Variants in MAPKAP1 observed in about 807,000 individuals in gnomAD.
MAPKAP1 encodes MAPK associated protein 1.
A neutral mutation model predicts 65.7 loss-of-function variants in MAPKAP1; 20 were observed. The ratio of observed to expected loss-of-function variants is 0.30; its 90% confidence interval spans 0.21 to 0.44. The LOEUF is 0.44. Ranked by LOEUF, MAPKAP1 falls within the 20% of genes least tolerant of loss-of-function variation. MAPKAP1 has a pLI of 1.00. For missense variants in MAPKAP1, 423 were observed against 648.0 expected (o/e 0.65, Z 3.77); for synonymous variants, 222 against 244.3 (o/e 0.91, Z 0.85).
At chr9:125,619,299 A>G (rs1409463261) in intron 4 of MAPKAP1, among the ~76,000 whole-genome samples, 1 of 152,202 alleles carries the variant, frequency 6.6e-6, no homozygotes, top group African/African-American at 2.4e-5. Context: ...CAGCGATAAC[A>G]TAAACAACAG....
At chr9:125,703,154 G>A (rs1835654247) in intron 1 of MAPKAP1, among the ~76,000 whole-genome samples, 2 of 152,174 alleles carry the variant, frequency 1.3e-5, no homozygotes, top group African/African-American at 4.8e-5. Flanking sequence ...AGCAGCAACT[G>A]CTCCCTTTAG....
intron 8 of MAPKAP1, among the ~76,000 whole-genome samples, chr9:125,486,349 T>C (rs1372368529): frequency 6.6e-6 from 1 of 151,974 alleles, no homozygotes; most frequent in Non-Finnish European, 1.5e-5. Flanking sequence ...GTAGAATGGG[T>C]TGGGAGGGGA....
intron 1 of MAPKAP1, among the ~76,000 whole-genome samples, chr9:125,692,180 C>T (rs918471408): frequency 1.3e-5 from 2 of 152,168 alleles, no homozygotes; most frequent in Admixed American, 6.5e-5. Flanking sequence ...CCCAAGAGAA[C>T]TAAAAACATA....
chr9:125,703,369 C>T (rs1835661072), intron 1 of MAPKAP1, among the ~76,000 whole-genome samples: 1 of 152,202 alleles, frequency 6.6e-6, no homozygotes. Context: ...TATTTAACCA[C>T]TAAGCCTCTT....
intron 9 of MAPKAP1, among the ~76,000 whole-genome samples, chr9:125,479,506 G>A (rs142035085): frequency 7.6e-4 from 116 of 152,136 alleles, no homozygotes; most frequent in African/African-American, 2.7e-3. Context: ...CTTGAACCCG[G>A]GAGGCGGAGG....
At chr9:125,537,266 T>C (rs1224041325) in intron 7 of MAPKAP1, among the ~76,000 whole-genome samples, 1 of 152,248 alleles carries the variant, frequency 6.6e-6, no homozygotes, top group Non-Finnish European at 1.5e-5. Flanking sequence ...CCATAGGTCC[T>C]TAATTCTAAG....
intron 11 of MAPKAP1, among the ~76,000 whole-genome samples, chr9:125,441,443 G>T (rs1564511853): frequency 6.6e-6 from 1 of 152,214 alleles, no homozygotes; most frequent in African/African-American, 2.4e-5. Flanking sequence ...GGGCGGTCAG[G>T]AAGATTAAAC....
chr9:125,527,621 CTCTT>C (rs981647378), intron 7 of MAPKAP1, among the ~76,000 whole-genome samples: 1 of 152,196 alleles, frequency 6.6e-6, no homozygotes, highest in African/African-American at 2.4e-5. Context: ...CACTCTCTCT[CTCTT>C]TCACACACAC....
chr9:125,464,207 A>T (rs1046000635), intron 10 of MAPKAP1, among the ~76,000 whole-genome samples: 5,019 of 136,242 alleles, frequency 0.037, 523 homozygotes, highest in African/African-American at 0.15. Flanking sequence ...CATATATTAA[A>T]AAAAAAAAAA....
rs893008330 is a variant in MAPKAP1, at chr9:125,689,297, C to T, written c.-69-16654G>A. On this transcript the variant is annotated intron_variant, in intron 1 of 11. Transcript: ENST00000265960. ...CTAAAAATACAAAAAATTAGCCGGG[C>T]GTGGTGGCGGGCGCCTGTAGTCCCA... 9.9e-5 allele frequency among the ~76,000 whole-genome samples: 15 copies of T among 151,664 alleles called. No homozygotes were observed. In the East Asian group the frequency reaches 2.7e-3, roughly 27 times the overall value.
intron 10 of MAPKAP1, among the ~76,000 whole-genome samples, chr9:125,448,124 A>G (rs1248181840): frequency 6.6e-6 from 1 of 152,154 alleles, no homozygotes; most frequent in Non-Finnish European, 1.5e-5. Flanking sequence ...AGGCGAGGTA[A>G]GCAGTTCCCG....
intron 4 of MAPKAP1, among the ~76,000 whole-genome samples, chr9:125,634,437 G>A (rs1833369657): frequency 6.6e-6 from 1 of 152,166 alleles, no homozygotes; most frequent in Admixed American, 6.5e-5. Context: ...GAGTCACTCA[G>A]GGAAAAGAGG....
chr9:125,654,637 T>C (rs1833981697), intron 4 of MAPKAP1, among the ~76,000 whole-genome samples: 1 of 152,204 alleles, frequency 6.6e-6, no homozygotes, highest in South Asian at 2.1e-4. Flanking sequence ...AAAAGCTTTT[T>C]ATAAAATTAT....
At chr9:125,507,689 C>T (rs1829183017) in intron 7 of MAPKAP1, among the ~76,000 whole-genome samples, 1 of 152,196 alleles carries the variant, frequency 6.6e-6, no homozygotes, top group African/African-American at 2.4e-5. Context: ...GTCCTTTTTA[C>T]ACTACTTAAA....
At chr9:125,562,742 A>C (rs191798786) in intron 5 of MAPKAP1, among the ~76,000 whole-genome samples, 5 of 152,310 alleles carry the variant, frequency 3.3e-5, no homozygotes, top group Non-Finnish European at 7.4e-5. Context: ...GCTCACTGAA[A>C]CTTCACATCA....
intron 8 of MAPKAP1, among the ~76,000 whole-genome samples, chr9:125,495,916 C>A (rs1454520658): frequency 2.6e-5 from 4 of 152,210 alleles, no homozygotes; most frequent in African/African-American, 9.6e-5. Context: ...CTCAGACAAG[C>A]TATGGTGTCT....
chr9:125,630,291 A>G (rs550004576), intron 4 of MAPKAP1, among the ~76,000 whole-genome samples: 25 of 151,918 alleles, frequency 1.6e-4, no homozygotes, highest in African/African-American at 2.4e-4. Flanking sequence ...ACACCTGGCT[A>G]ATTTCTTTTT....
intron 4 of MAPKAP1, among the ~76,000 whole-genome samples, chr9:125,642,829 T>C (rs1406687776): frequency 6.6e-6 from 1 of 152,214 alleles, no homozygotes; most frequent in African/African-American, 2.4e-5. Flanking sequence ...CAGGTTGGGG[T>C]GGAGGTCCCA....
At chr9:125,558,424 G>C (rs987097107) in intron 6 of MAPKAP1, among the ~76,000 whole-genome samples, 1 of 152,050 alleles carries the variant, frequency 6.6e-6, no homozygotes, top group East Asian at 1.9e-4. Flanking sequence ...AAGCCTGAGG[G>C]CCCACTCCCC....
Sources: gnomAD v4.1 joint callset for allele counts (sites outside exome capture counted in the v4.1 genomes callset) on GRCh38, gnomAD v4.1.1 for gene constraint, MANE v1.5 for transcripts, NCBI Gene and HGNC (gene_info 2026-07-23, HGNC 2026-07-21) for gene names.